RNF175: variants seen among roughly 807,000 people sequenced by gnomAD.
The protein encoded by RNF175 is ring finger protein 175.
A neutral mutation model predicts 50.0 loss-of-function variants in RNF175; 38 were observed. The observed-to-expected ratio is 0.76, with a 90% confidence interval of 0.59 to 1.00. The LOEUF (loss-of-function observed/expected upper bound fraction) is 1.00, where lower values mean the gene tolerates loss of function less well. RNF175 is among the 50% of genes least tolerant of loss of function. The pLI is 0.00. For synonymous variants in RNF175, 155 were observed against 146.1 expected, an observed-to-expected ratio of 1.06 and a Z score of -0.44; for missense variants, 388 against 409.6, an observed-to-expected ratio of 0.95 and a Z score of 0.46.
chr4:153,713,137 C>T (rs1579025088), intron 7 of RNF175: 1 of 151,988 alleles, frequency 6.6e-6, no homozygotes, highest in Admixed American at 6.6e-5. Context: ...GAATATATAC[C>T]TACTAAACTT....
chr4:153,734,030 A>G (rs183985342), intron 3 of RNF175, among the ~76,000 whole-genome samples: 1 of 152,334 alleles, frequency 6.6e-6, no homozygotes, highest in East Asian at 1.9e-4. Flanking sequence ...TTTTCATGAC[A>G]CAATAGCTTA....
intron 1 of RNF175, among the ~76,000 whole-genome samples, chr4:153,752,125 T>C (rs540602574): frequency 5.4e-4 from 83 of 152,346 alleles, no homozygotes; most frequent in Admixed American, 1.1e-3. Context: ...GACTACCTTT[T>C]CTAGATTATT....
At chr4:153,738,529 C>G (rs1327173490) in intron 3 of RNF175, among the ~76,000 whole-genome samples, 2 of 152,060 alleles carry the variant, frequency 1.3e-5, no homozygotes, top group Non-Finnish European at 2.9e-5. Context: ...TTCTGAAGTC[C>G]ACTTTGTCTG....
intron 3 of RNF175, among the ~76,000 whole-genome samples, chr4:153,739,607 GTTTGCCTGATAAAGTCTTTA>G (rs1185184896): frequency 6.6e-6 from 1 of 151,896 alleles, no homozygotes. Flanking sequence ...CTCATTTTTT[GTTTGCCTGATAAAGTCTTTA>G]TTTCTCTTTC....
intron 2 of RNF175, among the ~76,000 whole-genome samples, chr4:153,750,699 T>C (rs1740244193): frequency 6.6e-6 from 1 of 152,116 alleles, no homozygotes; most frequent in Non-Finnish European, 1.5e-5. Context: ...CCTGAAGATA[T>C]GGGAAGAAAA....
chr4:153,751,502 C>G, intron 1 of RNF175, 27 bp from the exon 2 acceptor site: 2 of 1,528,796 alleles, frequency 1.3e-6, no homozygotes, highest in Non-Finnish European at 1.8e-6. Context: ...GGGCCCTTAT[C>G]AAAAAATGTC....
chr4:153,746,491 G>C (rs1739979935), intron 3 of RNF175, among the ~76,000 whole-genome samples: 1 of 151,978 alleles, frequency 6.6e-6, no homozygotes, highest in African/African-American at 2.4e-5. Flanking sequence ...CTAGGCTGGA[G>C]TTGCATGCTG....
At chr4:153,747,534 TTCTG>T (rs1248974999) in intron 3 of RNF175, among the ~76,000 whole-genome samples, 1 of 152,216 alleles carries the variant, frequency 6.6e-6, no homozygotes, top group Admixed American at 6.5e-5. Context: ...GTTCCTCATT[TTCTG>T]TCTAAGACCT....
intron 4 of RNF175, among the ~76,000 whole-genome samples, chr4:153,726,384 C>T (rs140639762): frequency 2.8e-4 from 42 of 152,312 alleles, no homozygotes; most frequent in African/African-American, 8.9e-4. Context: ...GGATTACAGG[C>T]GTGAGCCATT....
At chr4:153,749,104 G>C (rs4637381) in intron 2 of RNF175, among the ~76,000 whole-genome samples, 65,250 of 152,002 alleles carry the variant, frequency 0.43, 15,569 homozygotes, top group East Asian at 0.81. Context: ...GCTAAAAAAA[G>C]TAATGAGCCC....
chr4:153,743,201 C>T (rs977485506), intron 3 of RNF175, among the ~76,000 whole-genome samples: 2 of 152,164 alleles, frequency 1.3e-5, no homozygotes, highest in African/African-American at 2.4e-5. Context: ...GGAACAATTT[C>T]AAGCTCAAAT....
At chr4:153,756,360 G>T (rs1449622730) in intron 1 of RNF175, among the ~76,000 whole-genome samples, 2 of 152,106 alleles carry the variant, frequency 1.3e-5, no homozygotes, top group Admixed American at 1.3e-4. Flanking sequence ...GAATTAACCT[G>T]CCCTAAAGTG....
chr4:153,752,992 T>C lies in RNF175; in HGVS notation c.67-1517A>G, dbSNP rs556310674. Reference sequence around the variant, plus strand: ...ACACGGTAAATAAAAAAAGTGCACTTACCTCCTCTCCCTCCCCAAACACCA... The same window carrying C: ...ACACGGTAAATAAAAAAAGTGCACTCACCTCCTCTCCCTCCCCAAACACCA... On this transcript the variant is annotated intron_variant, in intron 1 of 8. Transcript: ENST00000347063. Among the ~76,000 whole-genome samples the C allele has an allele frequency of 1.1e-4, 16 of 151,984 alleles. No homozygotes were observed. In the East Asian group the frequency reaches 1.5e-3, roughly 15 times the overall value.
At chr4:153,748,433 C>A (rs531040753) in intron 3 of RNF175, 2 of 447,690 alleles carry the variant, frequency 4.5e-6, no homozygotes. Context: ...CTCCCCTCCC[C>A]CTTTTCACCC....
At chr4:153,726,353 C>A (rs897403449) in intron 4 of RNF175, among the ~76,000 whole-genome samples, 1 of 152,300 alleles carries the variant, frequency 6.6e-6, no homozygotes, top group South Asian at 2.1e-4. Context: ...GATCCACCCA[C>A]CTCGGCCTCC....
chr4:153,738,294 C>T (rs1487913099), intron 3 of RNF175, among the ~76,000 whole-genome samples: 1 of 152,130 alleles, frequency 6.6e-6, no homozygotes, highest in Admixed American at 6.5e-5. Flanking sequence ...AAGCGATCCT[C>T]CCTCCTCAGC....
intron 7 of RNF175, 184 bp downstream of exon 7, chr4:153,715,345 T>C: frequency 1.5e-6 from 1 of 674,898 alleles, no homozygotes; most frequent in Non-Finnish European, 2.7e-6. Context: ...AGGTTCACCT[T>C]AATTAGCAGT....
At chr4:153,717,221 C>T (rs960709188) in intron 6 of RNF175, among the ~76,000 whole-genome samples, 1 of 152,182 alleles carries the variant, frequency 6.6e-6, no homozygotes, top group Non-Finnish European at 1.5e-5. Context: ...GGAGCTCTTT[C>T]AGTTGGCTCC....
At chr4:153,724,319 G>A (rs10440446) in intron 4 of RNF175, among the ~76,000 whole-genome samples, 47,325 of 152,114 alleles carry the variant, frequency 0.31, 7,661 homozygotes, top group South Asian at 0.48. Context: ...ATTCTTGGAG[G>A]GCCACAGCAG....
Sources: gnomAD v4.1 joint callset for allele counts (sites outside exome capture counted in the v4.1 genomes callset) on GRCh38, gnomAD v4.1.1 for gene constraint, MANE v1.5 for transcripts, NCBI Gene and HGNC (gene_info 2026-07-23, HGNC 2026-07-21) for gene names.